ARHGAP39: variants seen among roughly 807,000 people sequenced by gnomAD.
ARHGAP39 encodes rho GTPase-activating protein 39.
In ARHGAP39, 44 loss-of-function variants were observed where a neutral mutation model predicts 106.9. The observed-to-expected ratio is 0.41, with a 90% CI of 0.32 to 0.53. The LOEUF is 0.53. ARHGAP39 is among the 20% of genes least tolerant of loss of function. The pLI, the probability that ARHGAP39 is intolerant of heterozygous loss-of-function variation, is 0.21. For missense variants in ARHGAP39, 1,496 were observed against 1,577.3 expected, an observed-to-expected ratio of 0.95 and a Z score of 0.87; for synonymous variants, 768 against 693.2, an observed-to-expected ratio of 1.11 and a Z score of -1.69.
chr8:144,636,323 C>CA (rs1490818217), intron 1 of ARHGAP39, among the ~76,000 whole-genome samples: 1 of 152,140 alleles, frequency 6.6e-6, no homozygotes, highest in African/African-American at 2.4e-5. Flanking sequence ...GGAGGATTAG[C>CA]AATTAAGAGT....
chr8:144,562,652 G>A (rs932215345), intron 3 of ARHGAP39, among the ~76,000 whole-genome samples: 39 of 143,890 alleles, frequency 2.7e-4, no homozygotes, highest in Admixed American at 1.0e-3. Flanking sequence ...GGTTACCATC[G>A]GACTCCAGTG....
At chr8:144,673,435 T>C (rs1279375041) in intron 1 of ARHGAP39, among the ~76,000 whole-genome samples, 1 of 152,222 alleles carries the variant, frequency 6.6e-6, no homozygotes, top group African/African-American at 2.4e-5. Flanking sequence ...TTAAAGTATA[T>C]GATTTTAGGT....
chr8:144,673,876 G>T (rs528953777), intron 1 of ARHGAP39, among the ~76,000 whole-genome samples: 1 of 152,228 alleles, frequency 6.6e-6, no homozygotes, highest in Non-Finnish European at 1.5e-5. Flanking sequence ...CAGCTGCAGC[G>T]GGGCAGGCTG....
chr8:144,604,271 G>C lies in ARHGAP39; in HGVS notation c.80+1264C>G, dbSNP rs1820198710. On this transcript the variant is annotated intron_variant, in intron 2 of 11. Transcript: ENST00000377307. The surrounding 1 kb of genome is among the most constrained non-coding windows in gnomAD (Gnocchi z 4.1). The stretch of plus-strand genomic sequence containing the variant: ...AGGTCATGTTGCCAGGTGAGGGGCA[G>C]ATGGACAGCAGTGTCTGCAGATGCG... Among the ~76,000 whole-genome samples the C allele has an allele frequency of 6.6e-6, 1 of 152,218 alleles. No individual in the cohort carries two copies. The highest frequency in any genetic ancestry group is 2.1e-4 in the South Asian group (1 of 4,834).
chr8:144,581,340 C>T, intron 2 of ARHGAP39, 63 bp from the exon 3 acceptor site: 4 of 1,457,164 alleles, frequency 2.7e-6, no homozygotes, highest in Non-Finnish European at 3.7e-6. Context: ...CCTCCCACCC[C>T]TGCAGACCCC....
At chr8:144,564,995 A>G (rs1586911953) in intron 3 of ARHGAP39, among the ~76,000 whole-genome samples, 1 of 152,056 alleles carries the variant, frequency 6.6e-6, no homozygotes, top group East Asian at 1.9e-4. Flanking sequence ...ATGTAATCCT[A>G]GCTACTCGGG....
Position 144,548,165 on chromosome 8 carries a change from G to T in ARHGAP39, c.921C>A (p.Gly307=). Residue 307 remains glycine, a synonymous_variant, in exon 5 of 12, where the codon GGC becomes GGA. Coordinates refer to ENST00000377307, the MANE Select transcript of ARHGAP39 (RefSeq NM_025251.3). This position sits in a 1 kb window ranked among gnomAD's most constrained non-coding sequence, Gnocchi z 7.4. ...GCTCCTCGTAGAGCGGGGGTTCATA[G>T]CCATAGCGCGGGGAGGAGGGCTGCG... ...GDSQPSSPRY[G]YEPPLYEEPP... The T allele has an allele frequency of 6.3e-7, 1 of 1,574,970 alleles. No individual in the cohort carries two copies.
chr8:144,686,062 G>T (rs1345837570), upstream of ARHGAP39, among the ~76,000 whole-genome samples: 1 of 152,112 alleles, frequency 6.6e-6, no homozygotes, highest in South Asian at 2.1e-4. Flanking sequence ...GAGGCCTCCC[G>T]CGCGGACCTA....
chr8:144,687,973 C>T (rs1305443522), upstream of ARHGAP39, among the ~76,000 whole-genome samples: 7 of 150,488 alleles, frequency 4.7e-5, no homozygotes, highest in African/African-American at 1.7e-4. Context: ...CTTCCCAACC[C>T]CGTGACCACA....
intron 4 of ARHGAP39, among the ~76,000 whole-genome samples, chr8:144,553,542 C>T (rs1225727155): frequency 6.6e-6 from 1 of 152,248 alleles, no homozygotes; most frequent in East Asian, 1.9e-4. Flanking sequence ...GGCCACAAGC[C>T]CCCCGAGGCA....
At chr8:144,549,235 G>A (rs1402398464) in intron 4 of ARHGAP39, among the ~76,000 whole-genome samples, 1 of 152,266 alleles carries the variant, frequency 6.6e-6, no homozygotes, top group East Asian at 1.9e-4. Flanking sequence ...GCGGCCCAAG[G>A]TGGGCACTGG....
intron 1 of ARHGAP39, among the ~76,000 whole-genome samples, chr8:144,618,607 C>T (rs1363906710): frequency 6.6e-6 from 1 of 151,852 alleles, no homozygotes; most frequent in African/African-American, 2.4e-5. Context: ...AGCCATGCGC[C>T]CTCCATCCCC....
intron 1 of ARHGAP39, among the ~76,000 whole-genome samples, chr8:144,632,532 C>T (rs1821087709): frequency 6.6e-6 from 1 of 152,260 alleles, no homozygotes; most frequent in South Asian, 2.1e-4. Flanking sequence ...CAGTGGGCTG[C>T]ACCACAGGGC....
intron 1 of ARHGAP39, among the ~76,000 whole-genome samples, chr8:144,678,062 T>C (rs1252693386): frequency 6.6e-6 from 1 of 152,150 alleles, no homozygotes; most frequent in Non-Finnish European, 1.5e-5. Context: ...CAATCATCTT[T>C]ACTGAAGCCA....
At chr8:144,555,213 G>A (rs1251902115) in intron 4 of ARHGAP39, among the ~76,000 whole-genome samples, 9 of 152,250 alleles carry the variant, frequency 5.9e-5, no homozygotes, top group Non-Finnish European at 1.0e-4. Context: ...CTTCCAGACG[G>A]GCCTGGCAAG....
chr8:144,682,412 G>A (rs1406480633), intron 1 of ARHGAP39, among the ~76,000 whole-genome samples: 2 of 150,920 alleles, frequency 1.3e-5, no homozygotes, highest in African/African-American at 2.4e-5. Context: ...AGCCAGGCGT[G>A]GTGGCAGGTG....
intron 1 of ARHGAP39, among the ~76,000 whole-genome samples, chr8:144,640,143 C>T (rs1182488931): frequency 6.6e-6 from 1 of 152,090 alleles, no homozygotes; most frequent in Admixed American, 6.5e-5. Context: ...CTCCATGACA[C>T]CAGGGATTGG....
At position 144,545,636 on chromosome 8, in the gene ARHGAP39, G is replaced by T. The variant is rs142076644; in HGVS notation, c.2134C>A (p.Arg712=). ...FNKHTQGLFR[R]KVSIANMLAW... Reference sequence around the variant, plus strand: ...AGCATGTTGGCGATGGACACCTTCCGCCGGAAGAGGCCCTGCGTGTGCTTG... The same window carrying T: ...AGCATGTTGGCGATGGACACCTTCCTCCGGAAGAGGCCCTGCGTGTGCTTG... The change falls in exon 6 of 12, where the codon CGG becomes AGG. Residue 712 remains arginine, a synonymous_variant. Coordinates refer to ENST00000377307, the MANE Select transcript of ARHGAP39 (RefSeq NM_025251.3). The T allele has an allele frequency of 3.7e-6, 6 of 1,613,516 alleles. No individual in the cohort carries two copies. The highest frequency in any genetic ancestry group is 4.2e-6 in the Non-Finnish European group (5 of 1,180,036).
chr8:144,544,179 G>A (rs1454993583), intron 6 of ARHGAP39, among the ~76,000 whole-genome samples: 1 of 152,218 alleles, frequency 6.6e-6, no homozygotes, highest in African/African-American at 2.4e-5. Flanking sequence ...TTGAAAAGTC[G>A]GGTGAAACTG....
Sources: allele counts gnomAD v4.1 joint callset (sites outside exome capture counted in the v4.1 genomes callset), GRCh38; gene constraint gnomAD v4.1.1; non-coding constraint Gnocchi (gnomAD v3.1); transcripts MANE v1.5; gene names NCBI Gene and HGNC (gene_info 2026-07-23, HGNC 2026-07-21).